The following TCERG1L variants were observed in gnomAD, a reference collection of about 807,000 sequenced individuals.
TCERG1L encodes the protein transcription elongation regulator 1-like protein.
TCERG1L carries 37 observed loss-of-function variants against 56.3 expected under a neutral mutation model. The ratio of observed to expected loss-of-function variants is 0.66; its 90% CI spans 0.51 to 0.87. TCERG1L has a LOEUF of 0.87. Ranked by LOEUF, TCERG1L falls within the 40% of genes least tolerant of loss-of-function variation. The probability of loss-of-function intolerance (pLI) is 0.00; values close to 1 mark genes in which losing one functional copy is unlikely to be tolerated. For missense variants in TCERG1L, 799 were observed against 774.2 expected, an observed-to-expected ratio of 1.03 and a Z score of -0.38; for synonymous variants, 324 against 326.3, an observed-to-expected ratio of 0.99 and a Z score of 0.08.
At chr10:131,140,523 C>T (rs776401890) in intron 7 of TCERG1L, among the ~76,000 whole-genome samples, 4 of 152,210 alleles carry the variant, frequency 2.6e-5, no homozygotes, top group African/African-American at 9.7e-5. Context: ...CCCCAGGTCA[C>T]GCCTTAACCT....
intron 4 of TCERG1L, among the ~76,000 whole-genome samples, chr10:131,242,219 C>G (rs754996631): frequency 2.6e-5 from 4 of 152,150 alleles, no homozygotes; most frequent in Non-Finnish European, 5.9e-5. Flanking sequence ...GAAGTTCCAG[C>G]GTTGCAGCCG....
At chr10:131,123,032 G>A (rs1049373505) in intron 8 of TCERG1L, among the ~76,000 whole-genome samples, 3 of 152,210 alleles carry the variant, frequency 2.0e-5, no homozygotes, top group Non-Finnish European at 2.9e-5. Flanking sequence ...CTCCTAGGTC[G>A]TTCATCTATT....
At chr10:131,173,328 T>G (rs547027500) in intron 4 of TCERG1L, among the ~76,000 whole-genome samples, 3 of 152,362 alleles carry the variant, frequency 2.0e-5, no homozygotes, top group African/African-American at 7.2e-5. Context: ...TTTTCTAGAT[T>G]ATAAAGTAAC....
At chr10:131,198,847 G>T (rs1400197851) in intron 4 of TCERG1L, among the ~76,000 whole-genome samples, 1 of 152,202 alleles carries the variant, frequency 6.6e-6, no homozygotes, top group Non-Finnish European at 1.5e-5. Context: ...GCTTGTGCCT[G>T]CTCAGCTCAT....
intron 4 of TCERG1L, among the ~76,000 whole-genome samples, chr10:131,168,860 G>A (rs1177217280): frequency 2.0e-5 from 3 of 152,180 alleles, no homozygotes; most frequent in Non-Finnish European, 2.9e-5. Flanking sequence ...TGCCAAGGCC[G>A]ACCACAGGGC....
At chr10:131,302,105 C>T (rs1846768172) in intron 3 of TCERG1L, among the ~76,000 whole-genome samples, 1 of 152,010 alleles carries the variant, frequency 6.6e-6, no homozygotes, top group African/African-American at 2.4e-5. Flanking sequence ...ATTTGTATGA[C>T]TTTCTTGCGA....
At chr10:131,273,419 C>G (rs1444071129) in intron 3 of TCERG1L, among the ~76,000 whole-genome samples, 3 of 152,204 alleles carry the variant, frequency 2.0e-5, no homozygotes, top group African/African-American at 7.2e-5. Flanking sequence ...TGGCCAAAGC[C>G]CCGGGCTTTG....
At chr10:131,296,278 A>C (rs1440305165) in intron 3 of TCERG1L, among the ~76,000 whole-genome samples, 1 of 152,142 alleles carries the variant, frequency 6.6e-6, no homozygotes, top group Non-Finnish European at 1.5e-5. Flanking sequence ...TTTTGAGTTC[A>C]TTTTTATATG....
At chr10:131,166,941 ACCTAAG>A (rs1372747167) in intron 4 of TCERG1L, 56 bp from the exon 5 acceptor site, 1 of 1,520,808 alleles carries the variant, frequency 6.6e-7, no homozygotes. Context: ...AGTTTGGAAA[ACCTAAG>A]CAATCAAAGA....
chr10:131,184,988 G>A (rs1564809999), intron 4 of TCERG1L, among the ~76,000 whole-genome samples: 1 of 152,106 alleles, frequency 6.6e-6, no homozygotes, highest in Non-Finnish European at 1.5e-5. Flanking sequence ...TAGAGATTAC[G>A]GCAGGCTGAG....
At chr10:131,238,582 A>G (rs1845939158) in intron 4 of TCERG1L, among the ~76,000 whole-genome samples, 1 of 152,138 alleles carries the variant, frequency 6.6e-6, no homozygotes, top group Admixed American at 6.5e-5. Context: ...GTGCTTTCCT[A>G]TTGGGAACCT....
At chr10:131,121,270 C>T (rs778440612) in intron 8 of TCERG1L, among the ~76,000 whole-genome samples, 1 of 152,094 alleles carries the variant, frequency 6.6e-6, no homozygotes, top group Non-Finnish European at 1.5e-5. Flanking sequence ...GGCCTGTCTG[C>T]AGATGTGATG....
intron 3 of TCERG1L, among the ~76,000 whole-genome samples, chr10:131,299,631 C>T (rs1031066925): frequency 1.3e-5 from 2 of 151,906 alleles, no homozygotes; most frequent in African/African-American, 2.4e-5. Context: ...TGAGGAAGTC[C>T]CCTTTAATTC....
chr10:131,149,764 G>A (rs1388651275), intron 6 of TCERG1L, among the ~76,000 whole-genome samples: 1 of 152,216 alleles, frequency 6.6e-6, no homozygotes, highest in African/African-American at 2.4e-5. Context: ...CACCCCTCTT[G>A]CAAGGAATGC....
chr10:131,169,826 G>A (rs747987470), intron 4 of TCERG1L, among the ~76,000 whole-genome samples: 45 of 152,302 alleles, frequency 3.0e-4, no homozygotes, highest in Admixed American at 7.2e-4. Context: ...GGCAGCCTGC[G>A]AGGAGGCCGT....
chr10:131,204,534 C>T (rs921565853), intron 4 of TCERG1L, among the ~76,000 whole-genome samples: 1 of 152,192 alleles, frequency 6.6e-6, no homozygotes, highest in African/African-American at 2.4e-5. Context: ...AGAAACTGTC[C>T]GTGATGGTGG....
At chr10:131,157,842 A>C (rs1337079093) in intron 6 of TCERG1L, among the ~76,000 whole-genome samples, 1 of 152,324 alleles carries the variant, frequency 6.6e-6, no homozygotes. Context: ...GGTATCCTTG[A>C]AAGTACTCAG....
intron 4 of TCERG1L, among the ~76,000 whole-genome samples, chr10:131,187,890 C>T (rs2133459433): frequency 6.6e-6 from 1 of 152,308 alleles, no homozygotes; most frequent in Non-Finnish European, 1.5e-5. Flanking sequence ...GCTCCATGTG[C>T]CCTCACTCAA....
chr10:131,175,637 C>T (rs974920546), intron 4 of TCERG1L, among the ~76,000 whole-genome samples: 1 of 152,226 alleles, frequency 6.6e-6, no homozygotes, highest in African/African-American at 2.4e-5. Context: ...GCTCAAAGTT[C>T]TCATCTTTAT....
Sources: allele counts gnomAD v4.1 joint callset (sites outside exome capture counted in the v4.1 genomes callset), GRCh38; gene constraint gnomAD v4.1.1; transcripts MANE v1.5; gene names NCBI Gene and HGNC (gene_info 2026-07-23, HGNC 2026-07-21).